TGIF1: variants seen among roughly 807,000 people sequenced by gnomAD.
The protein encoded by TGIF1 is TGFB induced factor homeobox 1.
TGIF1 carries 4 observed loss-of-function variants against 19.3 expected under a neutral mutation model. That is an observed-to-expected ratio of 0.21 (90% CI 0.10 to 0.47). The LOEUF (loss-of-function observed/expected upper bound fraction) is 0.47, where lower values mean the gene tolerates loss of function less well. Among genes scored for constraint, TGIF1 ranks in the 20% least tolerant of loss-of-function variants. TGIF1 has a pLI of 0.98. For missense variants in TGIF1, 275 were observed against 341.4 expected (o/e 0.81, Z 1.53); for synonymous variants, 122 against 129.3 (o/e 0.94, Z 0.38).
At chr18:3,414,587 G>A (rs569663111) in intron 1 of TGIF1, among the ~76,000 whole-genome samples, 3 of 152,266 alleles carry the variant, frequency 2.0e-5, no homozygotes, top group African/African-American at 7.2e-5. Context: ...TCTACCCAGT[G>A]AACTTAAAGA....
At chr18:3,447,724 TAACAACC>T, upstream of TGIF1, 1 of 1,614,206 alleles carries the variant, frequency 6.2e-7, no homozygotes, top group Non-Finnish European at 8.5e-7. Flanking sequence ...TCGCCAGCTT[TAACAACC>T]GTTTGGATAT....
chr18:3,419,841 A>T (rs143270903), intron 2 of TGIF1, among the ~76,000 whole-genome samples: 16 of 152,166 alleles, frequency 1.1e-4, no homozygotes, highest in African/African-American at 3.1e-4. Context: ...CCCCTCCTCT[A>T]CTAAAAATAC....
chr18:3,422,491 T>C (rs1416895597), intron 2 of TGIF1, among the ~76,000 whole-genome samples: 8 of 151,540 alleles, frequency 5.3e-5, no homozygotes, highest in African/African-American at 1.2e-4. Flanking sequence ...TAATTTATTA[T>C]TGAAGAAAGA....
At chr18:3,428,473 C>T (rs975315559) in intron 2 of TGIF1, among the ~76,000 whole-genome samples, 9 of 151,920 alleles carry the variant, frequency 5.9e-5, no homozygotes, top group African/African-American at 2.2e-4. Flanking sequence ...GGTGGCGGCT[C>T]ATGCCTGTAA....
In TGIF1 at chr18:3,450,443, C is replaced by G; in HGVS notation, c.-47C>G. The G allele has an allele frequency of 6.4e-7, 1 of 1,552,898 alleles. No individual in the cohort carries two copies. The highest frequency in any genetic ancestry group is 8.7e-7 in the Non-Finnish European group (1 of 1,147,948). Reference sequence around the variant, plus strand: ...TTATCCCCTGTGTCCCCGCTCCTGGCCCCTCCAGACCCCCGCCTTGCCTCG... The same window carrying G: ...TTATCCCCTGTGTCCCCGCTCCTGGGCCCTCCAGACCCCCGCCTTGCCTCG... On this transcript the variant is annotated 5_prime_UTR_variant, in exon 1 of 3. Transcript: ENST00000343820.
At chr18:3,435,718 C>CTAAATTATTTATTTAGAATA (rs2082606141) in intron 2 of TGIF1, among the ~76,000 whole-genome samples, 1 of 152,152 alleles carries the variant, frequency 6.6e-6, no homozygotes, top group Non-Finnish European at 1.5e-5. Flanking sequence ...AATAAATCCC[C>CTAAATTATTTATTTAGAATA]AATAATTGCT....
At chr18:3,420,005 C>CA (rs10715945) in intron 2 of TGIF1, among the ~76,000 whole-genome samples, 11 of 147,072 alleles carry the variant, frequency 7.5e-5, no homozygotes, top group Non-Finnish European at 9.0e-5. Context: ...GACTCCGTCT[C>CA]AAAAAAAAAA....
At chr18:3,426,672 T>C (rs73938486) in intron 2 of TGIF1, among the ~76,000 whole-genome samples, 19,400 of 152,162 alleles carry the variant, frequency 0.13, 1,705 homozygotes, top group African/African-American at 0.25. Flanking sequence ...ACAACCCTTG[T>C]GAAGTAGAAT....
At chr18:3,448,774 CAG>C (rs993053313), upstream of TGIF1, among the ~76,000 whole-genome samples, 163 of 130,914 alleles carry the variant, frequency 1.2e-3, no homozygotes, top group Admixed American at 2.8e-3. Context: ...GTTCCTGAAA[CAG>C]ACGCTCCGAA....
chr18:3,431,632 C>T (rs114806555), intron 2 of TGIF1, among the ~76,000 whole-genome samples: 88 of 151,934 alleles, frequency 5.8e-4, no homozygotes, highest in African/African-American at 2.1e-3. Context: ...GTAGAAGAAA[C>T]GATGGATGAT....
intron 2 of TGIF1, among the ~76,000 whole-genome samples, chr18:3,427,024 A>G (rs1183552498): frequency 6.7e-6 from 1 of 149,178 alleles, no homozygotes; most frequent in African/African-American, 2.5e-5. Context: ...CCCGGGTTCA[A>G]CCTCCACCTC....
chr18:3,414,182 CATA>C (rs2143098132), intron 1 of TGIF1, among the ~76,000 whole-genome samples: 1 of 152,332 alleles, frequency 6.6e-6, no homozygotes, highest in Non-Finnish European at 1.5e-5. Context: ...CTGAACTGGT[CATA>C]ATTATATTAC....
At chr18:3,425,367 A>G (rs113547546) in intron 2 of TGIF1, among the ~76,000 whole-genome samples, 4,082 of 152,320 alleles carry the variant, frequency 0.027, 210 homozygotes, top group African/African-American at 0.092. Context: ...TGTAAAACTG[A>G]TGAACATCAT....
chr18:3,433,988 G>A (rs1272937405), intron 2 of TGIF1, among the ~76,000 whole-genome samples: 1 of 152,202 alleles, frequency 6.6e-6, no homozygotes, highest in Non-Finnish European at 1.5e-5. Context: ...CCCCAGAACT[G>A]ATTACAAAAT....
intron 2 of TGIF1, among the ~76,000 whole-genome samples, chr18:3,444,646 T>C (rs919869096): frequency 9.2e-5 from 14 of 152,218 alleles, no homozygotes; most frequent in African/African-American, 3.4e-4. Flanking sequence ...TTGTTGTTGT[T>C]TTTGAGACGG....
At chr18:3,445,765 C>CAAAAAAAAAA (rs755240649), upstream of TGIF1, among the ~76,000 whole-genome samples, 6 of 35,840 alleles carry the variant, frequency 1.7e-4, no homozygotes, top group African/African-American at 2.7e-4. Flanking sequence ...AGAAGAAAAG[C>CAAAAAAAAAA]AAAAAAAAAA....
At chr18:3,424,121 G>A (rs1035177386) in intron 2 of TGIF1, among the ~76,000 whole-genome samples, 1 of 152,062 alleles carries the variant, frequency 6.6e-6, no homozygotes, top group South Asian at 2.1e-4. Context: ...CTCAAGCTGC[G>A]ACCTAATTAA....
chr18:3,429,406 G>T (rs879876401), intron 2 of TGIF1, among the ~76,000 whole-genome samples: 3 of 151,960 alleles, frequency 2.0e-5, no homozygotes, highest in Non-Finnish European at 4.4e-5. Context: ...GTTGGACATG[G>T]GATTTCACAG....
intron 1 of TGIF1, chr18:3,455,702 G>A (rs1184284757): frequency 1.9e-5 from 3 of 155,294 alleles, no homozygotes; most frequent in Non-Finnish European, 4.3e-5. Context: ...TAAAGTAGGT[G>A]TCTAACTTTG....
Sources: gnomAD v4.1 joint callset for allele counts (sites outside exome capture counted in the v4.1 genomes callset) on GRCh38, gnomAD v4.1.1 for gene constraint, MANE v1.5 for transcripts, NCBI Gene and HGNC (gene_info 2026-07-23, HGNC 2026-07-21) for gene names.